Variants in LRRC4C observed in about 807,000 individuals in gnomAD.
LRRC4C encodes leucine-rich repeat-containing protein 4C.
Under a neutral mutation model 33.6 loss-of-function variants are expected in LRRC4C, and 5 were observed. The ratio of observed to expected loss-of-function variants is 0.15; its 90% CI spans 0.08 to 0.31. The LOEUF (loss-of-function observed/expected upper bound fraction) is 0.31. LRRC4C is among the 10% of genes least tolerant of loss of function. The probability of loss-of-function intolerance (pLI) is 1.00; values close to 1 mark genes in which losing one functional copy is unlikely to be tolerated. For missense variants in LRRC4C, 560 were observed against 796.7 expected, an observed-to-expected ratio of 0.70 and a Z score of 3.58; for synonymous variants, 329 against 302.0, an observed-to-expected ratio of 1.09 and a Z score of -0.93.
intron 4 of LRRC4C, among the ~76,000 whole-genome samples, chr11:40,275,775 T>A (rs1410546123): frequency 1.3e-5 from 2 of 152,136 alleles, no homozygotes; most frequent in Admixed American, 6.6e-5. Context: ...TTTGAATTTT[T>A]AAAAATTTTG....
At chr11:40,390,634 A>C (rs1450415077) in intron 3 of LRRC4C, among the ~76,000 whole-genome samples, 1 of 152,122 alleles carries the variant, frequency 6.6e-6, no homozygotes, top group Non-Finnish European at 1.5e-5. Context: ...TCTAATATAT[A>C]AGCTTAACAG....
At chr11:41,240,120 G>A (rs147319824) in intron 1 of LRRC4C, among the ~76,000 whole-genome samples, 102 of 152,302 alleles carry the variant, frequency 6.7e-4, no homozygotes, top group African/African-American at 1.2e-3. Flanking sequence ...CTTCAAAAGT[G>A]TGTCCTTGAA....
chr11:41,080,342 C>CTTTTTTTT (rs71060997), intron 1 of LRRC4C, among the ~76,000 whole-genome samples: 86 of 103,452 alleles, frequency 8.3e-4, no homozygotes, highest in African/African-American at 1.0e-3. Flanking sequence ...GAGTCTCCTC[C>CTTTTTTTT]TTTTTTTTTT....
rs1210319604 is a variant in LRRC4C at position 41,081,340 on chromosome 11, GTTTAT to G, written c.-495-147622_-495-147618del. ...AAATATAAAAAATAACAAAAAGTTG[GTTTAT>G]TTTATTTTACATAGACAAGAAGGCA... On this transcript the variant is annotated intron_variant, in intron 1 of 6. Coordinates refer to ENST00000528697, the MANE Select transcript of LRRC4C (RefSeq NM_001258419.2). 3.9e-5 allele frequency among the ~76,000 whole-genome samples: 6 copies of G among 152,254 alleles called. No homozygotes were observed. In the East Asian group the frequency reaches 1.2e-3, roughly 29 times the overall value.
intron 2 of LRRC4C, among the ~76,000 whole-genome samples, chr11:40,909,968 G>T (rs1300460347): frequency 6.6e-6 from 1 of 152,038 alleles, no homozygotes; most frequent in Non-Finnish European, 1.5e-5. Flanking sequence ...GAAATTTTTT[G>T]TGCATTCCCT....
At chr11:41,163,620 T>A (rs1944583309) in intron 1 of LRRC4C, among the ~76,000 whole-genome samples, 1 of 150,880 alleles carries the variant, frequency 6.6e-6, no homozygotes, top group Non-Finnish European at 1.5e-5. Context: ...AAACTGTTTT[T>A]TTTTTGTTTG....
At chr11:41,154,102 G>A (rs1944121370) in intron 1 of LRRC4C, among the ~76,000 whole-genome samples, 1 of 152,116 alleles carries the variant, frequency 6.6e-6, no homozygotes, top group African/African-American at 2.4e-5. Flanking sequence ...AACTATAAGA[G>A]AATAAATTTC....
intron 1 of LRRC4C, among the ~76,000 whole-genome samples, chr11:41,152,018 C>T (rs1427094885): frequency 6.6e-6 from 1 of 152,184 alleles, no homozygotes; most frequent in Non-Finnish European, 1.5e-5. Context: ...ACTACCCACC[C>T]TTCTCTGTTT....
At chr11:40,615,385 A>G (rs1268411828) in intron 3 of LRRC4C, among the ~76,000 whole-genome samples, 1 of 151,048 alleles carries the variant, frequency 6.6e-6, no homozygotes, top group East Asian at 1.9e-4. Flanking sequence ...TCTATTTCCA[A>G]TATCTTTACA....
At chr11:40,792,890 A>G (rs1353483736) in intron 2 of LRRC4C, among the ~76,000 whole-genome samples, 2 of 152,074 alleles carry the variant, frequency 1.3e-5, no homozygotes. Flanking sequence ...CACAAGGACA[A>G]AAAACCAAAC....
chr11:40,887,151 CA>C, intron 2 of LRRC4C, among the ~76,000 whole-genome samples: 1 of 151,218 alleles, frequency 6.6e-6, no homozygotes, highest in Non-Finnish European at 1.5e-5. Context: ...TCTAGGTCAT[CA>C]AAGGAACTAT....
intron 1 of LRRC4C, among the ~76,000 whole-genome samples, chr11:41,356,919 A>G (rs752289570): frequency 2.0e-5 from 3 of 152,122 alleles, no homozygotes; most frequent in Admixed American, 6.6e-5. Flanking sequence ...GTTTCCCTCA[A>G]ATATGTTCTG....
intron 2 of LRRC4C, among the ~76,000 whole-genome samples, chr11:40,770,729 GAGA>G (rs1949715265): frequency 6.6e-6 from 1 of 152,198 alleles, no homozygotes; most frequent in Non-Finnish European, 1.5e-5. Context: ...GGAGAAATTG[GAGA>G]AAATAAAGGG....
intron 2 of LRRC4C, among the ~76,000 whole-genome samples, chr11:40,930,642 A>G (rs1240613181): frequency 6.6e-6 from 1 of 152,188 alleles, no homozygotes; most frequent in African/African-American, 2.4e-5. Flanking sequence ...ATAAGCCTTT[A>G]TGGCTCTCCC....
intron 1 of LRRC4C, among the ~76,000 whole-genome samples, chr11:40,997,105 G>C (rs375217867): frequency 6.6e-6 from 1 of 152,106 alleles, no homozygotes; most frequent in African/African-American, 2.4e-5. Context: ...GTTCTGCAAT[G>C]ATATCTGTGT....
intron 3 of LRRC4C, among the ~76,000 whole-genome samples, chr11:40,474,190 G>A (rs1953088133): frequency 6.6e-6 from 1 of 152,046 alleles, no homozygotes; most frequent in African/African-American, 2.4e-5. Flanking sequence ...CAGGTTACAA[G>A]GCTATAATAA....
intron 1 of LRRC4C, among the ~76,000 whole-genome samples, chr11:41,155,227 T>C (rs75987676): frequency 0.014 from 2,070 of 152,214 alleles, 48 homozygotes; most frequent in African/African-American, 0.047. Flanking sequence ...TGGGACATCC[T>C]TTAATGTATT....
At position 40,234,747 on chromosome 11, in the gene LRRC4C, G is replaced by A. The variant is rs541093585; in HGVS notation, c.-96+6772C>T. 6.6e-5 allele frequency among the ~76,000 whole-genome samples: 10 copies of A among 152,290 alleles called. No individual in the cohort carries two copies. The South Asian group carries it at 1.2e-3, about 19-fold the overall frequency. On this transcript the variant is annotated intron_variant, in intron 5 of 6. Coordinates refer to ENST00000528697, the MANE Select transcript of LRRC4C (RefSeq NM_001258419.2). ...GACTGTGCCACTGCACTCCAGCCTG[G>A]CCAACAGAGAGAAACCCTGTCTTAA...
chr11:40,314,152 G>C (rs1348984796), intron 4 of LRRC4C, among the ~76,000 whole-genome samples: 2 of 151,530 alleles, frequency 1.3e-5, no homozygotes, highest in African/African-American at 4.9e-5. Flanking sequence ...CAAACATCCT[G>C]ACAGCAAAAA....
Sources: gnomAD v4.1 joint callset for allele counts (sites outside exome capture counted in the v4.1 genomes callset) on GRCh38, gnomAD v4.1.1 for gene constraint, MANE v1.5 for transcripts, NCBI Gene and HGNC (gene_info 2026-07-23, HGNC 2026-07-21) for gene names.